LUZP2: variants seen among roughly 807,000 people sequenced by gnomAD.
The protein encoded by LUZP2 is leucine zipper protein 2.
In LUZP2, 52 loss-of-function variants were observed where a neutral mutation model predicts 51.6. The observed-to-expected ratio is 1.01, with a 90% CI of 0.81 to 1.27. LUZP2 has a LOEUF of 1.27. Ranked by LOEUF, LUZP2 falls within the 50% of genes most tolerant of loss-of-function variation. The pLI is 0.00. For synonymous variants in LUZP2, 154 were observed against 137.3 expected (o/e 1.12, Z -0.85); for missense variants, 436 against 395.4 (o/e 1.10, Z -0.87).
At chr11:24,988,791 G>A (rs769781239) in intron 9 of LUZP2, among the ~76,000 whole-genome samples, 3 of 152,020 alleles carry the variant, frequency 2.0e-5, no homozygotes, top group South Asian at 2.1e-4. Flanking sequence ...AGGGATATAC[G>A]TGCTATATTT....
chr11:24,814,549 C>T (rs1850115780), intron 5 of LUZP2, among the ~76,000 whole-genome samples: 1 of 152,134 alleles, frequency 6.6e-6, no homozygotes, highest in South Asian at 2.1e-4. Context: ...TTAAGTTTTA[C>T]TTCTAGAGAA....
At chr11:24,715,233 A>C (rs1274234224) in intron 1 of LUZP2, among the ~76,000 whole-genome samples, 1 of 150,710 alleles carries the variant, frequency 6.6e-6, no homozygotes, top group Non-Finnish European at 1.5e-5. Context: ...GAGCATCTGC[A>C]GATTATGGTA....
intron 7 of LUZP2, among the ~76,000 whole-genome samples, chr11:24,954,077 A>G (rs968591379): frequency 6.6e-6 from 1 of 152,004 alleles, no homozygotes; most frequent in Non-Finnish European, 1.5e-5. Context: ...TCAGTAATAA[A>G]TGGCAAACAC....
At chr11:24,873,917 G>A (rs1260086949) in intron 5 of LUZP2, among the ~76,000 whole-genome samples, 1 of 152,140 alleles carries the variant, frequency 6.6e-6, no homozygotes, top group African/African-American at 2.4e-5. Context: ...AACTTAACTG[G>A]TTTTAATGAT....
intron 5 of LUZP2, among the ~76,000 whole-genome samples, chr11:24,789,406 G>T (rs112912835): frequency 3.9e-5 from 6 of 152,142 alleles, no homozygotes; most frequent in African/African-American, 1.4e-4. Flanking sequence ...CAAGATACTG[G>T]ATTACCTCTT....
At chr11:24,946,391 G>A (rs999251612) in intron 7 of LUZP2, among the ~76,000 whole-genome samples, 1 of 151,662 alleles carries the variant, frequency 6.6e-6, no homozygotes, top group Non-Finnish European at 1.5e-5. Flanking sequence ...TTTCTGATAT[G>A]TCTCATGACT....
intron 5 of LUZP2, among the ~76,000 whole-genome samples, chr11:24,769,264 T>TCA (rs373015906): frequency 6.6e-6 from 1 of 152,080 alleles, no homozygotes; most frequent in African/African-American, 2.4e-5. Context: ...GAAGAAGTTT[T>TCA]GTCAACAGGT....
At position 24,724,441 on chromosome 11, in the gene LUZP2, G is replaced by A. The variant is rs578164972; in HGVS notation, c.63-4728G>A. 1.3e-4 allele frequency among the ~76,000 whole-genome samples: 20 copies of A among 152,116 alleles called. No individual in the cohort carries two copies. The East Asian group carries it at 2.9e-3, about 22-fold the overall frequency. On this transcript the variant is annotated intron_variant, in intron 1 of 11. Coordinates refer to ENST00000336930, the MANE Select transcript of LUZP2 (RefSeq NM_001009909.4). ...AAAAAAATTAGCTGGGGGTAGTGAC[G>A]TGTGTCTATCGTCCCAGCTAACTGA...
At chr11:24,630,676 T>A (rs868221768) in intron 1 of LUZP2, among the ~76,000 whole-genome samples, 2,638 of 94,768 alleles carry the variant, frequency 0.028, 45 homozygotes, top group African/African-American at 0.08. Context: ...ATTCCGACTT[T>A]TTTTTTTTTT....
intron 1 of LUZP2, among the ~76,000 whole-genome samples, chr11:24,661,053 A>G (rs541982780): frequency 6.6e-6 from 1 of 152,306 alleles, no homozygotes; most frequent in South Asian, 2.1e-4. Flanking sequence ...CCATATCGTT[A>G]TGAAAGAAGT....
chr11:24,588,157 C>G (rs1159168268), intron 1 of LUZP2, among the ~76,000 whole-genome samples: 1 of 151,966 alleles, frequency 6.6e-6, no homozygotes, highest in African/African-American at 2.4e-5. Flanking sequence ...TAGTCACTTA[C>G]TTTATCTTGA....
At chr11:24,672,395 G>T (rs1856427164) in intron 1 of LUZP2, among the ~76,000 whole-genome samples, 1 of 151,758 alleles carries the variant, frequency 6.6e-6, no homozygotes, top group Non-Finnish European at 1.5e-5. Context: ...TTCACCTTTG[G>T]ACAAGATAAT....
intron 5 of LUZP2, chr11:24,891,070 C>T (rs1409184199): frequency 4.4e-5 from 43 of 982,956 alleles, no homozygotes; most frequent in Non-Finnish European, 5.1e-5. Flanking sequence ...AGCTGAGAAA[C>T]GTTCAAAAAT....
At chr11:24,965,602 A>G (rs1048329453) in intron 7 of LUZP2, among the ~76,000 whole-genome samples, 12 of 151,854 alleles carry the variant, frequency 7.9e-5, no homozygotes, top group African/African-American at 2.9e-4. Flanking sequence ...AACAAAATTT[A>G]GAAAGTGTCT....
chr11:24,699,244 T>C (rs1357567329), intron 1 of LUZP2, among the ~76,000 whole-genome samples: 1 of 152,112 alleles, frequency 6.6e-6, no homozygotes, highest in Non-Finnish European at 1.5e-5. Flanking sequence ...CGCTTCACCA[T>C]AAATTTTATG....
intron 1 of LUZP2, among the ~76,000 whole-genome samples, chr11:24,607,312 G>C (rs993480669): frequency 1.9e-4 from 22 of 115,702 alleles, no homozygotes; most frequent in South Asian, 6.2e-4. Context: ...AGATGATTTT[G>C]TGTGTGGTAT....
In LUZP2 at chr11:24,501,372, G is replaced by C. The variant is rs536761208; in HGVS notation, c.62+4067G>C. ...CTCAAATATTTGATTTGTCTGTACA[G>C]TTGTCCTTAACCAAACTCCATGTAA... is the stretch of plus-strand genomic sequence containing the variant. On this transcript the variant is annotated intron_variant, in intron 1 of 11. Transcript: ENST00000336930. Among the ~76,000 whole-genome samples, 32 of 152,274 alleles carry C rather than the reference G, an allele frequency of 2.1e-4. 1 individual carries two copies. In the South Asian group the frequency reaches 6.0e-3, roughly 29 times the overall value.
At chr11:24,946,181 G>A (rs954170998) in intron 7 of LUZP2, among the ~76,000 whole-genome samples, 4 of 152,048 alleles carry the variant, frequency 2.6e-5, no homozygotes, top group African/African-American at 9.6e-5. Context: ...TCCATTGGGT[G>A]GATGTACACA....
intron 10 of LUZP2, among the ~76,000 whole-genome samples, chr11:25,072,877 TC>T (rs1327756786): frequency 6.6e-6 from 1 of 152,126 alleles, no homozygotes; most frequent in Non-Finnish European, 1.5e-5. Context: ...AAGTATCTTT[TC>T]TTTCCAAAGC....
Sources: gnomAD v4.1 joint callset for allele counts (sites outside exome capture counted in the v4.1 genomes callset) on GRCh38, gnomAD v4.1.1 for gene constraint, MANE v1.5 for transcripts, NCBI Gene and HGNC (gene_info 2026-07-23, HGNC 2026-07-21) for gene names.